MORC3: variants seen among roughly 807,000 people sequenced by gnomAD.
The protein encoded by MORC3 is MORC family CW-type zinc finger protein 3.
In MORC3, 31 loss-of-function variants were observed where a neutral mutation model predicts 109.1. The observed-to-expected ratio is 0.28, with a 90% CI of 0.21 to 0.38. The LOEUF (loss-of-function observed/expected upper bound fraction) is 0.38. MORC3 is among the 10% of genes least tolerant of loss of function. The probability of loss-of-function intolerance (pLI) is 1.00; values close to 1 mark genes in which losing one functional copy is unlikely to be tolerated. For missense variants in MORC3, 867 were observed against 1,135.8 expected (o/e 0.76, Z 3.40); for synonymous variants, 395 against 380.7 (o/e 1.04, Z -0.44).
At chr21:36,360,115 G>T (rs758578504) in intron 11 of MORC3, 38 bp downstream of exon 11, 2 of 1,614,098 alleles carry the variant, frequency 1.2e-6, no homozygotes, top group South Asian at 2.2e-5. Flanking sequence ...TGGAAAGACG[G>T]AAAGTACTGT....
chr21:36,345,112 T>TA, intron 8 of MORC3, 81 bp downstream of exon 8: 3 of 1,347,062 alleles, frequency 2.2e-6, no homozygotes, highest in Non-Finnish European at 3.0e-6. Context: ...AGTCAAATGT[T>TA]AAATAATTTT....
intron 1 of MORC3, among the ~76,000 whole-genome samples, chr21:36,324,163 C>T (rs2085223087): frequency 6.6e-6 from 1 of 152,114 alleles, no homozygotes; most frequent in South Asian, 2.1e-4. Flanking sequence ...GCATGAGGCA[C>T]CGAGCCCGGC....
intron 10 of MORC3, 22 bp downstream of exon 10, chr21:36,356,746 AT>A: frequency 7.9e-6 from 11 of 1,400,504 alleles, no homozygotes; most frequent in Non-Finnish European, 9.9e-6. Flanking sequence ...TTTAAAACAT[AT>A]CATTTCACTT....
At chr21:36,365,695 C>T (rs775883805) in intron 14 of MORC3, among the ~76,000 whole-genome samples, 1 of 152,168 alleles carries the variant, frequency 6.6e-6, no homozygotes, top group African/African-American at 2.4e-5. Flanking sequence ...ATTCCCCCAC[C>T]TCAGCGTCCC....
Position 36,338,884 on chromosome 21 carries a change from A to C in MORC3, c.571A>C (p.Lys191Gln). ...LLAELDAIIG[K>Q]KGTRIIIWNL... is the part of the protein sequence containing the mutation. Reference sequence around the variant, plus strand: ...GGCAGAACTTGATGCTATTATAGGCAAGAAGGGGACGAGGATCATCATTTG... The same window carrying C: ...GGCAGAACTTGATGCTATTATAGGCCAGAAGGGGACGAGGATCATCATTTG... Residue 191 changes from lysine (K) to glutamine (Q), a missense_variant, in exon 5 of 17, where the codon AAG becomes CAG. Physicochemically the swap from Lys to Gln is moderately conservative, Grantham distance 53. Coordinates refer to ENST00000400485, the MANE Select transcript of MORC3 (RefSeq NM_015358.3). 2.5e-6 allele frequency: 4 copies of C among 1,614,158 alleles called. No homozygotes were observed. Among genetic ancestry groups the C allele is most frequent in the Non-Finnish European group, 2.5e-6 (3 of 1,180,008 alleles).
At chr21:36,334,262 A>G (rs2085350723) in intron 2 of MORC3, among the ~76,000 whole-genome samples, 1 of 152,088 alleles carries the variant, frequency 6.6e-6, no homozygotes, top group South Asian at 2.1e-4. Context: ...AAAAACAGAT[A>G]CCTTGAATGA....
At chr21:36,334,112 G>A (rs2085347651) in intron 2 of MORC3, among the ~76,000 whole-genome samples, 1 of 152,070 alleles carries the variant, frequency 6.6e-6, no homozygotes, top group Non-Finnish European at 1.5e-5. Flanking sequence ...AAAATCAGCT[G>A]GGTATGGTGG....
chr21:36,364,227 A>G lies in MORC3; in HGVS notation c.1587A>G (p.Gln529=). 1 of 1,614,190 alleles carries G rather than the reference A, an allele frequency of 6.2e-7. No individual in the cohort carries two copies. The highest frequency in any genetic ancestry group is 8.5e-7 in the Non-Finnish European group (1 of 1,180,046). ...SYATRLLNNH[Q]VPPQSEPESN... is the part of the protein sequence containing the mutation. ...CGACAAGACTTCTAAATAATCATCAAGTTCCACCTCAGTCTGAACCTGAGA... is the reference window on the plus strand; with the variant it reads ...CGACAAGACTTCTAAATAATCATCAGGTTCCACCTCAGTCTGAACCTGAGA... Residue 529 remains glutamine (Q), a synonymous_variant, in exon 14 of 17, where the codon CAA becomes CAG. Transcript: ENST00000400485.
At position 36,330,157 on chromosome 21, in the gene MORC3, C is replaced by T. The variant is rs369211361; in HGVS notation, c.40-3489C>T. 5.3e-5 allele frequency among the ~76,000 whole-genome samples: 8 copies of T among 151,982 alleles called. 1 individual carries two copies. The highest frequency in any genetic ancestry group is 4.1e-4 in the South Asian group (2 of 4,820). On this transcript the variant is annotated intron_variant, in intron 1 of 16. Transcript: ENST00000400485. ...GATTACAGGTGTGAGCCACCAGACC[C>T]GTCCTGAGCCACCGCACCTGGCCAT...
At chr21:36,368,910 G>A in intron 14 of MORC3, 78 bp from the exon 15 acceptor site, 1 of 1,311,550 alleles carries the variant, frequency 7.6e-7, no homozygotes, top group Non-Finnish European at 1.0e-6. Context: ...TACTGCATTT[G>A]TTAGAATGAT....
intron 14 of MORC3, among the ~76,000 whole-genome samples, chr21:36,366,324 A>G (rs1278167288): frequency 6.6e-6 from 1 of 152,216 alleles, no homozygotes; most frequent in Non-Finnish European, 1.5e-5. Flanking sequence ...CCCTTAGGAT[A>G]AAGGCCTCCA....
Position 36,360,345 on chromosome 21 carries a change from G to A in MORC3, c.1406+87G>A, listed in dbSNP as rs2085699147. On this transcript the variant is annotated intron_variant, in intron 12 of 16. Coordinates refer to ENST00000400485, the MANE Select transcript of MORC3 (RefSeq NM_015358.3). ...GCAACATTATTTGATGCTTCTCCAA[G>A]GTAAAGCACCTGTAACTGAAAAAGT... is the stretch of plus-strand genomic sequence containing the variant. 4.5e-6 allele frequency: 6 copies of A among 1,326,520 alleles called. No homozygotes were observed. In the South Asian group the frequency reaches 6.4e-5, roughly 14 times the overall value. The allele number at this position is 1,326,520 out of a possible 1,614,324, so 82.2% of individuals were successfully genotyped here.
At chr21:36,354,956 C>A (rs1362129822) in intron 9 of MORC3, among the ~76,000 whole-genome samples, 1 of 152,214 alleles carries the variant, frequency 6.6e-6, no homozygotes. Flanking sequence ...CACAATCTCT[C>A]TGATGATTTC....
chr21:36,323,503 CACT>C (rs1456683821), intron 1 of MORC3, among the ~76,000 whole-genome samples: 1 of 152,050 alleles, frequency 6.6e-6, no homozygotes, highest in Non-Finnish European at 1.5e-5. Context: ...GAATATCCAC[CACT>C]AACAATAACA....
chr21:36,349,560 C>T (rs1170758995), intron 9 of MORC3, 152 bp downstream of exon 9: 3 of 469,004 alleles, frequency 6.4e-6, no homozygotes, highest in African/African-American at 2.0e-5. Flanking sequence ...GTTACAATTC[C>T]TAGAATGGAA....
chr21:36,351,092 G>A (rs1403364228), intron 9 of MORC3, among the ~76,000 whole-genome samples: 1 of 105,156 alleles, frequency 9.5e-6, no homozygotes, highest in Non-Finnish European at 1.8e-5. Flanking sequence ...TTGAGACTGA[G>A]TCTCACTCTG....
chr21:36,339,224 ATTCTCCTGC>A (rs2085408512), intron 5 of MORC3: 1 of 197,706 alleles, frequency 5.1e-6, no homozygotes, highest in Non-Finnish European at 1.0e-5. Context: ...GGTTTAAGCG[ATTCTCCTGC>A]TTCAGTCCCC....
At chr21:36,332,021 G>A (rs1470073460) in intron 1 of MORC3, among the ~76,000 whole-genome samples, 6 of 152,022 alleles carry the variant, frequency 3.9e-5, no homozygotes, top group African/African-American at 1.4e-4. Context: ...CATGCCTGTG[G>A]TCCCAGCTAC....
At position 36,358,681 on chromosome 21, in the gene MORC3, C is replaced by CT. The variant is rs927761927; in HGVS notation, c.1209-1264dup. Among the ~76,000 whole-genome samples, 62 of 148,392 alleles carry CT rather than the reference C, an allele frequency of 4.2e-4. No individual in the cohort carries two copies. In the Middle Eastern group the frequency reaches 0.011, roughly 25 times the overall value. ...CTTTACAGGAATTATTGTGATTTTT[C>CT]TTTTTTTTTTGTTTTTGAGGTAGAG... On this transcript the variant is annotated intron_variant, in intron 10 of 16. Transcript: ENST00000400485.
Sources: gnomAD v4.1 joint callset for allele counts (sites outside exome capture counted in the v4.1 genomes callset) on GRCh38, gnomAD v4.1.1 for gene constraint, MANE v1.5 for transcripts, NCBI Gene and HGNC (gene_info 2026-07-23, HGNC 2026-07-21) for gene names.